SAMD5: variants seen among roughly 807,000 people sequenced by gnomAD.
The protein encoded by SAMD5 is sterile alpha motif domain-containing protein 5.
SAMD5 carries 13 observed loss-of-function variants against 11.3 expected under a neutral mutation model. The observed-to-expected ratio is 1.15, with a 90% CI of 0.75 to 1.83. The LOEUF (loss-of-function observed/expected upper bound fraction) is 1.83, where lower values mean the gene tolerates loss of function less well. Among genes scored for constraint, SAMD5 ranks in the 40% most tolerant of loss-of-function variants. The probability of loss-of-function intolerance (pLI) is 0.00; values close to 1 mark genes in which losing one functional copy is unlikely to be tolerated. For missense variants in SAMD5, 255 were observed against 239.1 expected (o/e 1.07, Z -0.44); for synonymous variants, 129 against 111.3 (o/e 1.16, Z -1.00).
At chr6:147,585,359 C>G (rs961228824) in intron 1 of SAMD5, among the ~76,000 whole-genome samples, 1 of 152,088 alleles carries the variant, frequency 6.6e-6, no homozygotes, top group Non-Finnish European at 1.5e-5. Context: ...AGCATGAGCC[C>G]CTGCCAACAG....
intron 1 of SAMD5, among the ~76,000 whole-genome samples, chr6:147,548,352 C>T (rs1168659059): frequency 6.6e-6 from 1 of 152,224 alleles, no homozygotes; most frequent in South Asian, 2.1e-4. Flanking sequence ...TATCATATCA[C>T]TCTCTTACTG....
In SAMD5 at chr6:147,567,178, AG is replaced by A. The variant is rs1242844600; in HGVS notation, c.*2725del. 1.0e-6 allele frequency: 1 copy of A among 985,208 alleles called. No homozygotes were observed. The highest frequency in any genetic ancestry group is 1.7e-5 in the African/African-American group (1 of 57,254). The allele number at this position is 985,208 out of a possible 1,614,324, so 61.0% of individuals were successfully genotyped here. On this transcript the variant is annotated 3_prime_UTR_variant, in exon 2 of 2. Coordinates refer to ENST00000367474, the MANE Select transcript of SAMD5 (RefSeq NM_001030060.3). ...ATTCACATAAAAGATTTCTTGGCAT[AG>A]GGAAGGCGTAATGTTAAGGGCTTCT...
At chr6:147,843,240 A>T in the SAMD5 span, among the ~76,000 whole-genome samples, 1 of 152,230 alleles carries the variant, frequency 6.6e-6, no homozygotes, top group African/African-American at 2.4e-5. Flanking sequence ...TATGTATTTT[A>T]TGCTTTCAAA....
chr6:147,813,773 A>C, the SAMD5 span, among the ~76,000 whole-genome samples: 1 of 152,236 alleles, frequency 6.6e-6, no homozygotes, highest in African/African-American at 2.4e-5. Context: ...TTCTTCTAAA[A>C]GTAATGGCAG....
chr6:147,563,143 C>T (rs1303037992), intron 1 of SAMD5, among the ~76,000 whole-genome samples: 2 of 151,332 alleles, frequency 1.3e-5, no homozygotes, highest in African/African-American at 2.5e-5. Context: ...GATAGTAATA[C>T]TTACCATCTA....
the SAMD5 span, among the ~76,000 whole-genome samples, chr6:147,943,401 C>A: frequency 6.6e-6 from 1 of 152,116 alleles, no homozygotes; most frequent in Non-Finnish European, 1.5e-5. Flanking sequence ...TTTCTTCTCC[C>A]ATGAAAGCAG....
At chr6:147,734,690 G>A (rs529832389) in intron 1 of SAMD5, among the ~76,000 whole-genome samples, 1 of 117,460 alleles carries the variant, frequency 8.5e-6, no homozygotes, top group East Asian at 2.4e-4. Context: ...TCCAGCCTGG[G>A]CGGCAGAGCG....
At chr6:147,546,328 G>A (rs575745462) in intron 1 of SAMD5, among the ~76,000 whole-genome samples, 21 of 152,206 alleles carry the variant, frequency 1.4e-4, no homozygotes, top group African/African-American at 4.3e-4. Context: ...TTGGGAGTTC[G>A]GGACCAGCCT....
chr6:147,762,829 A>G, the SAMD5 span, among the ~76,000 whole-genome samples: 28 of 152,190 alleles, frequency 1.8e-4, no homozygotes, highest in Non-Finnish European at 2.8e-4. Context: ...GTTTTAGGTG[A>G]TGTGATGGGT....
intron 1 of SAMD5, among the ~76,000 whole-genome samples, chr6:147,735,381 A>G (rs1791782122): frequency 6.6e-6 from 1 of 152,170 alleles, no homozygotes; most frequent in Non-Finnish European, 1.5e-5. Flanking sequence ...GTGTGAAGAG[A>G]TGCCTGATTC....
At chr6:147,541,165 G>A (rs1188516814) in intron 1 of SAMD5, among the ~76,000 whole-genome samples, 1 of 151,906 alleles carries the variant, frequency 6.6e-6, no homozygotes, top group Non-Finnish European at 1.5e-5. Flanking sequence ...GGCCAGGCTG[G>A]TTTCGAACTA....
chr6:147,916,354 T>C, the SAMD5 span, among the ~76,000 whole-genome samples: 1 of 152,132 alleles, frequency 6.6e-6, no homozygotes, highest in East Asian at 1.9e-4. Flanking sequence ...GTTGAACTAG[T>C]TTACAGTCCC....
chr6:147,944,482 C>T, the SAMD5 span, among the ~76,000 whole-genome samples: 12 of 152,240 alleles, frequency 7.9e-5, no homozygotes, highest in South Asian at 2.3e-3. Context: ...GACCCACCCC[C>T]GTGATTCAAT....
At chr6:147,719,842 A>C in intron 1 of SAMD5, among the ~76,000 whole-genome samples, 1 of 152,174 alleles carries the variant, frequency 6.6e-6, no homozygotes, top group East Asian at 1.9e-4. Flanking sequence ...CCTTCATATA[A>C]CTATGTTTAA....
chr6:147,764,259 T>C, the SAMD5 span, among the ~76,000 whole-genome samples: 75 of 152,212 alleles, frequency 4.9e-4, no homozygotes, highest in African/African-American at 1.8e-3. Flanking sequence ...TTCATACCAG[T>C]GCAATAAAAT....
intron 1 of SAMD5, among the ~76,000 whole-genome samples, chr6:147,672,546 A>G (rs1472767521): frequency 1.3e-5 from 2 of 152,158 alleles, no homozygotes; most frequent in African/African-American, 2.4e-5. Flanking sequence ...ATGGATAATC[A>G]TGGTATATTT....
At chr6:147,530,091 C>T (rs1275449304) in intron 1 of SAMD5, among the ~76,000 whole-genome samples, 1 of 151,932 alleles carries the variant, frequency 6.6e-6, no homozygotes, top group Non-Finnish European at 1.5e-5. Context: ...GATTTTTTCC[C>T]CCTGGTATTT....
At chr6:147,606,679 C>T (rs558347115) in intron 1 of SAMD5, among the ~76,000 whole-genome samples, 1 of 151,670 alleles carries the variant, frequency 6.6e-6, no homozygotes, top group South Asian at 2.1e-4. Flanking sequence ...CTGTGCCAGG[C>T]ACTAGTCTAA....
At chr6:147,930,761 G>T in the SAMD5 span, among the ~76,000 whole-genome samples, 1 of 152,162 alleles carries the variant, frequency 6.6e-6, no homozygotes, top group Admixed American at 6.5e-5. Context: ...ATGTGCAAAG[G>T]CAGGAAGAGG....
Sources: gnomAD v4.1 joint callset for allele counts (sites outside exome capture counted in the v4.1 genomes callset) on GRCh38, gnomAD v4.1.1 for gene constraint, MANE v1.5 for transcripts, NCBI Gene and HGNC (gene_info 2026-07-23, HGNC 2026-07-21) for gene names.